PCGF3: variants seen among roughly 807,000 people sequenced by gnomAD.
The protein encoded by PCGF3 is polycomb group RING finger protein 3.
PCGF3 carries 7 observed loss-of-function variants against 33.1 expected under a neutral mutation model. That is an observed-to-expected ratio of 0.21 (90% CI 0.12 to 0.40). PCGF3 has a LOEUF of 0.40. Ranked by LOEUF, PCGF3 falls within the 10% of genes least tolerant of loss-of-function variation. The probability of loss-of-function intolerance (pLI) is 1.00; values close to 1 mark genes in which losing one functional copy is unlikely to be tolerated. For missense variants in PCGF3, 211 were observed against 313.3 expected, an observed-to-expected ratio of 0.67 and a Z score of 2.46; for synonymous variants, 153 against 121.3, an observed-to-expected ratio of 1.26 and a Z score of -1.72.
chr4:731,557 C>T (rs1290299969), intron 3 of PCGF3, among the ~76,000 whole-genome samples: 1 of 134,622 alleles, frequency 7.4e-6, no homozygotes, highest in Non-Finnish European at 1.7e-5. Flanking sequence ...CGGGGCTCCC[C>T]CTCCCGTCGT....
At chr4:740,728 G>A (rs774022626) in intron 6 of PCGF3, among the ~76,000 whole-genome samples, 3 of 152,158 alleles carry the variant, frequency 2.0e-5, no homozygotes, top group Non-Finnish European at 2.9e-5. Context: ...CAAAAGCAGC[G>A]TATTTTATGA....
exon 11 of PCGF3, chr4:767,480 A>C (rs1560224337): frequency 6.6e-6 from 1 of 150,940 alleles, no homozygotes; most frequent in Admixed American, 6.6e-5. Context: ...TCCTCCCTCC[A>C]CTCCTTGGGA....
intron 8 of PCGF3, among the ~76,000 whole-genome samples, chr4:753,745 C>T (rs183079509): frequency 1.2e-3 from 176 of 151,932 alleles, no homozygotes; most frequent in Middle Eastern, 3.5e-3. Context: ...CTCAGGAGTG[C>T]GAGACCAGCC....
At chr4:750,559 C>T (rs1042330022) in intron 8 of PCGF3, among the ~76,000 whole-genome samples, 3 of 152,142 alleles carry the variant, frequency 2.0e-5, no homozygotes, top group Non-Finnish European at 4.4e-5. Flanking sequence ...CTGTCTGTGG[C>T]GTGAGGTGGT....
intron 8 of PCGF3, among the ~76,000 whole-genome samples, chr4:749,839 A>G (rs1744435606): frequency 6.6e-6 from 1 of 151,728 alleles, no homozygotes; most frequent in Non-Finnish European, 1.5e-5. Flanking sequence ...ATTCTTTGAG[A>G]CGGGATCTGG....
intron 8 of PCGF3, among the ~76,000 whole-genome samples, chr4:754,415 A>T (rs9994328): frequency 6.6e-6 from 1 of 152,138 alleles, no homozygotes; most frequent in Non-Finnish European, 1.5e-5. Context: ...CTCTGCCTGC[A>T]AGGGCCTCGC....
chr4:757,750 C>T (rs182067191), intron 8 of PCGF3: 1 of 152,312 alleles, frequency 6.6e-6, no homozygotes, highest in East Asian at 1.9e-4. Flanking sequence ...CTTCCTTCCT[C>T]CCTGTTGTCT....
intron 9 of PCGF3, chr4:762,532 G>C (rs1745117099): frequency 6.6e-6 from 1 of 152,322 alleles, no homozygotes; most frequent in Non-Finnish European, 1.5e-5. Context: ...GATTGATGCT[G>C]CTGTGAAAGG....
At chr4:719,057 C>T (rs1419909278) in intron 1 of PCGF3, among the ~76,000 whole-genome samples, 2 of 152,050 alleles carry the variant, frequency 1.3e-5, no homozygotes, top group African/African-American at 4.8e-5. Flanking sequence ...CAGGTTCAAG[C>T]ATTTCTCCTG....
Position 708,302 on chromosome 4 carries a change from G to T in PCGF3, c.-190+2332G>T, listed in dbSNP as rs140295978. 5.0e-3 allele frequency among the ~76,000 whole-genome samples: 760 copies of T among 152,248 alleles called. 9 individuals are homozygous for T. The highest frequency in any genetic ancestry group is 0.017 in the African/African-American group (692 of 41,524). On this transcript the variant is annotated intron_variant, in intron 1 of 10. Coordinates refer to ENST00000362003, the Ensembl canonical transcript of PCGF3. ...GCTGGAACTTCCAGACAGGTCCTCA[G>T]AGGGCTGGGACTCCTGAACAAGTCA...
intron 9 of PCGF3, among the ~76,000 whole-genome samples, chr4:764,137 C>G (rs1560221215): frequency 2.0e-5 from 3 of 152,222 alleles, no homozygotes; most frequent in South Asian, 4.2e-4. Flanking sequence ...GACATCCGCT[C>G]TGGACTCGGT....
chr4:759,910 C>G (rs576938812), intron 8 of PCGF3, among the ~76,000 whole-genome samples: 17 of 146,088 alleles, frequency 1.2e-4, no homozygotes, highest in African/African-American at 4.3e-4. Flanking sequence ...CGCGGCCCCT[C>G]TCCCGAGTTC....
intron 1 of PCGF3, among the ~76,000 whole-genome samples, chr4:706,788 T>G (rs1410980529): frequency 1.5e-4 from 10 of 67,656 alleles, no homozygotes; most frequent in African/African-American, 1.8e-4. Flanking sequence ...AGGACCCAGG[T>G]GAGGGCGAAG....
At chr4:726,063 G>A (rs975892488) in intron 1 of PCGF3, among the ~76,000 whole-genome samples, 36 of 152,298 alleles carry the variant, frequency 2.4e-4, no homozygotes, top group African/African-American at 7.9e-4. Context: ...GTGGGCAGCC[G>A]CGGGCGGGAT....
At chr4:725,953 G>C (rs1743316477) in intron 1 of PCGF3, among the ~76,000 whole-genome samples, 1 of 152,172 alleles carries the variant, frequency 6.6e-6, no homozygotes, top group South Asian at 2.1e-4. Flanking sequence ...GGCTCTCTGT[G>C]TCTCCGATTA....
At chr4:715,194 C>T (rs55633214) in intron 1 of PCGF3, among the ~76,000 whole-genome samples, 17,813 of 57,894 alleles carry the variant, frequency 0.31, 2,679 homozygotes, top group South Asian at 0.38. Flanking sequence ...GTAGACACTG[C>T]GAGTGTGAGA....
chr4:741,835 TG>T (rs1387800555), intron 6 of PCGF3, among the ~76,000 whole-genome samples: 1 of 152,156 alleles, frequency 6.6e-6, no homozygotes, highest in Non-Finnish European at 1.5e-5. Context: ...GAAGCTGAGT[TG>T]CTTTCCACTG....
intron 5 of PCGF3, 104 bp from the exon 6 acceptor site, chr4:737,362 C>T: frequency 2.5e-6 from 2 of 790,456 alleles, no homozygotes; most frequent in South Asian, 3.1e-5. Flanking sequence ...TCCAACAAAG[C>T]TCCAGACTGG....
intron 6 of PCGF3, among the ~76,000 whole-genome samples, chr4:740,612 G>A (rs569303901): frequency 1.3e-5 from 2 of 152,194 alleles, no homozygotes; most frequent in South Asian, 2.1e-4. Flanking sequence ...CGTGGGGGCC[G>A]GACACAGTGT....
Sources: allele counts gnomAD v4.1 joint callset (sites outside exome capture counted in the v4.1 genomes callset), GRCh38; gene constraint gnomAD v4.1.1; transcripts MANE v1.5; gene names NCBI Gene and HGNC (gene_info 2026-07-23, HGNC 2026-07-21).